Variants in LDHC observed in about 807,000 individuals in gnomAD.
The protein encoded by LDHC is L-lactate dehydrogenase C chain.
LDHC carries 20 observed loss-of-function variants against 30.2 expected under a neutral mutation model. The ratio of observed to expected loss-of-function variants is 0.66; its 90% CI spans 0.47 to 0.96. The LOEUF (loss-of-function observed/expected upper bound fraction) is 0.96, where lower values mean the gene tolerates loss of function less well. Among genes scored for constraint, LDHC ranks in the 40% least tolerant of loss-of-function variants. LDHC has a pLI of 0.00. For synonymous variants in LDHC, 139 were observed against 132.7 expected, an observed-to-expected ratio of 1.05 and a Z score of -0.32; for missense variants, 362 against 394.9, an observed-to-expected ratio of 0.92 and a Z score of 0.71.
chr11:18,440,583 C>G (rs1848447400), intron 6 of LDHC, among the ~76,000 whole-genome samples: 1 of 152,218 alleles, frequency 6.6e-6, no homozygotes, highest in Admixed American at 6.5e-5. Context: ...TGTTAATGCA[C>G]TTAATGCCAC....
intron 6 of LDHC, among the ~76,000 whole-genome samples, chr11:18,440,030 A>C (rs1848436572): frequency 6.7e-6 from 1 of 150,208 alleles, no homozygotes; most frequent in Admixed American, 6.7e-5. Context: ...GGCTGGGCGC[A>C]GTGGCTTATG....
intron 3 of LDHC, among the ~76,000 whole-genome samples, chr11:18,418,324 T>A (rs1039429939): frequency 6.7e-6 from 1 of 149,408 alleles, no homozygotes; most frequent in Non-Finnish European, 1.5e-5. Flanking sequence ...TAGATAGTAG[T>A]TTACTAGTTG....
At chr11:18,431,831 T>G (rs1451925941) in intron 4 of LDHC, among the ~76,000 whole-genome samples, 1 of 152,228 alleles carries the variant, frequency 6.6e-6, no homozygotes, top group Non-Finnish European at 1.5e-5. Flanking sequence ...ATTACAGGTG[T>G]GAGCCACTGC....
intron 3 of LDHC, among the ~76,000 whole-genome samples, chr11:18,419,339 A>G (rs1303953584): frequency 6.6e-6 from 1 of 152,172 alleles, no homozygotes; most frequent in Non-Finnish European, 1.5e-5. Flanking sequence ...CCAGAACTAT[A>G]CCGTTAATGT....
intron 6 of LDHC, among the ~76,000 whole-genome samples, chr11:18,439,811 T>TAAAAAA (rs71047596): frequency 4.2e-4 from 27 of 64,186 alleles, no homozygotes; most frequent in African/African-American, 6.8e-4. Flanking sequence ...CCGTCTCTAC[T>TAAAAAA]AAAAAAAAAA....
chr11:18,434,854 T>A lies in LDHC; in HGVS notation c.533T>A (p.Leu178Ter), dbSNP rs752749723. The change falls in exon 5 of 8, where the codon TTG (leucine) becomes TAG (stop). Residue 178 changes from leucine to a stop codon, truncating the protein, a stop_gained. Coordinates refer to ENST00000541669, the MANE Select transcript of LDHC (RefSeq NM_017448.5). LOFTEE classifies it high-confidence loss of function. ...ARFRYLIGEK[L>*]GVHPTSCHGW... ...TTCCGTTACCTAATTGGAGAAAAGT[T>A]GGGTGTCCACCCCACAAGCTGCCAT... 1 of 1,613,384 alleles carries A rather than the reference T, an allele frequency of 6.2e-7. No individual in the cohort carries two copies. The highest frequency in any genetic ancestry group is 2.2e-5 in the East Asian group (1 of 44,882).
chr11:18,432,486 C>A lies in LDHC; in HGVS notation c.419-2254C>A, dbSNP rs577097726. 1.4e-3 allele frequency among the ~76,000 whole-genome samples: 209 copies of A among 152,220 alleles called. 1 individual carries two copies. The highest frequency in any genetic ancestry group is 4.6e-3 in the African/African-American group (193 of 41,544). On this transcript the variant is annotated intron_variant, in intron 4 of 7. Coordinates refer to ENST00000541669, the MANE Select transcript of LDHC (RefSeq NM_017448.5). ...ATATATCTGTTAAATCCATTTGTTC[C>A]AAGGTATAGTTTAAATTCACTGTTT...
intron 2 of LDHC, among the ~76,000 whole-genome samples, chr11:18,414,252 T>G (rs1042563686): frequency 6.6e-6 from 1 of 152,226 alleles, no homozygotes; most frequent in Non-Finnish European, 1.5e-5. Context: ...TGTCCACTTA[T>G]GAACTGATTT....
chr11:18,421,557 C>T (rs1216986721), intron 3 of LDHC, among the ~76,000 whole-genome samples: 1 of 152,004 alleles, frequency 6.6e-6, no homozygotes, highest in Non-Finnish European at 1.5e-5. Flanking sequence ...CCTATAATCC[C>T]AGCTACTCAG....
At chr11:18,415,634 G>C (rs1243170217) in intron 3 of LDHC, among the ~76,000 whole-genome samples, 1 of 152,010 alleles carries the variant, frequency 6.6e-6, no homozygotes, top group Admixed American at 6.6e-5. Context: ...GTTTTGCCAT[G>C]TTGGCCAGGC....
chr11:18,446,671 G>T (rs1381429360), intron 7 of LDHC, among the ~76,000 whole-genome samples: 1 of 152,158 alleles, frequency 6.6e-6, no homozygotes, highest in Non-Finnish European at 1.5e-5. Flanking sequence ...CTGGTACTCA[G>T]ACAATATTAT....
intron 3 of LDHC, among the ~76,000 whole-genome samples, chr11:18,417,593 T>C (rs1487168244): frequency 6.6e-6 from 1 of 152,108 alleles, no homozygotes; most frequent in Non-Finnish European, 1.5e-5. Flanking sequence ...AGAGATGCGG[T>C]GTCACTCTGT....
Position 18,412,821 on chromosome 11 carries a change from G to GTGC in LDHC, c.106_108dup (p.Ala36dup). ...GGAACTGGTGCCGTAGGCATGGCTTGTGCTATTAGTATCTTACTGAAGGTG... is the reference window on the plus strand; with the variant it reads ...GGAACTGGTGCCGTAGGCATGGCTTGTGCTGCTATTAGTATCTTACTGAAGGTG... On this transcript the variant is annotated inframe_insertion, in exon 2 of 8. Transcript: ENST00000541669. The GTGC allele has an allele frequency of 6.2e-7, 1 of 1,613,848 alleles. No individual in the cohort carries two copies. The highest frequency in any genetic ancestry group is 8.5e-7 in the Non-Finnish European group (1 of 1,179,858).
chr11:18,416,731 C>G (rs147878011), intron 3 of LDHC, among the ~76,000 whole-genome samples: 356 of 150,940 alleles, frequency 2.4e-3, no homozygotes, highest in African/African-American at 7.4e-3. Flanking sequence ...TTCCTTCCCC[C>G]TTTCCCTTCT....
At chr11:18,450,113 T>C (rs1284424530) in intron 7 of LDHC, 1 of 152,306 alleles carries the variant, frequency 6.6e-6, no homozygotes, top group African/African-American at 2.4e-5. Flanking sequence ...TATTGAGTTT[T>C]CCTATCTTCC....
intron 7 of LDHC, chr11:18,449,975 C>A (rs1039373694): frequency 6.6e-6 from 1 of 152,052 alleles, no homozygotes; most frequent in African/African-American, 2.4e-5. Context: ...CAGACTCAGC[C>A]CCAAAGAGAG....
At chr11:18,434,402 C>T (rs1047405581) in intron 4 of LDHC, among the ~76,000 whole-genome samples, 1 of 151,916 alleles carries the variant, frequency 6.6e-6, no homozygotes, top group Non-Finnish European at 1.5e-5. Context: ...TGTTATATTA[C>T]CAAAGTTGGT....
intron 6 of LDHC, among the ~76,000 whole-genome samples, chr11:18,439,180 T>G (rs1382508974): frequency 6.6e-6 from 1 of 152,238 alleles, no homozygotes; most frequent in Non-Finnish European, 1.5e-5. Context: ...ATGAAGCATC[T>G]GACTCCATAT....
At chr11:18,447,202 T>G (rs1362118018) in intron 7 of LDHC, among the ~76,000 whole-genome samples, 1 of 151,798 alleles carries the variant, frequency 6.6e-6, no homozygotes, top group Non-Finnish European at 1.5e-5. Context: ...CATGCGATCT[T>G]GGCTCACTGC....
Sources: allele counts gnomAD v4.1 joint callset (sites outside exome capture counted in the v4.1 genomes callset), GRCh38; gene constraint gnomAD v4.1.1; transcripts MANE v1.5; gene names NCBI Gene and HGNC (gene_info 2026-07-23, HGNC 2026-07-21).